The following CREB5 variants were observed in gnomAD, a reference collection of about 807,000 sequenced individuals.
CREB5 encodes the protein cyclic AMP-responsive element-binding protein 5.
A neutral mutation model predicts 57.1 loss-of-function variants in CREB5; 19 were observed. That is an observed-to-expected ratio of 0.33 (90% CI 0.23 to 0.49). The LOEUF (loss-of-function observed/expected upper bound fraction) is 0.49. Among genes scored for constraint, CREB5 ranks in the 20% least tolerant of loss-of-function variants. The probability of loss-of-function intolerance (pLI) is 0.99; values close to 1 mark genes in which losing one functional copy is unlikely to be tolerated. For missense variants in CREB5, 579 were observed against 671.6 expected (o/e 0.86, Z 1.52); for synonymous variants, 238 against 238.3 (o/e 1.00, Z 0.01).
chr7:28,584,103 G>A (rs17156878), intron 5 of CREB5, among the ~76,000 whole-genome samples: 20,465 of 152,088 alleles, frequency 0.13, 1,804 homozygotes, highest in East Asian at 0.31. Context: ...GAACTCTGCC[G>A]GTGGGAATAC....
chr7:28,679,052 C>CTTTTTTTTTTTTTTTTTT (rs56266854), intron 5 of CREB5, among the ~76,000 whole-genome samples: 3 of 123,862 alleles, frequency 2.4e-5, no homozygotes, highest in East Asian at 2.5e-4. Flanking sequence ...TTTTGTAGTT[C>CTTTTTTTTTTTTTTTTTT]TTTTTTTTTT....
intron 5 of CREB5, among the ~76,000 whole-genome samples, chr7:28,700,612 C>T (rs1801804990): frequency 1.3e-5 from 2 of 152,200 alleles, no homozygotes; most frequent in Admixed American, 6.5e-5. Flanking sequence ...AATCGGCCCT[C>T]TGCAGGCTTT....
At chr7:28,358,529 T>C (rs1436371228) in intron 1 of CREB5, among the ~76,000 whole-genome samples, 1 of 152,232 alleles carries the variant, frequency 6.6e-6, no homozygotes, top group Non-Finnish European at 1.5e-5. Flanking sequence ...AACCAAAGCA[T>C]GTTGTTTTCT....
At chr7:28,361,229 C>G (rs752871204) in intron 1 of CREB5, among the ~76,000 whole-genome samples, 1 of 152,156 alleles carries the variant, frequency 6.6e-6, no homozygotes, top group Admixed American at 6.5e-5. Flanking sequence ...GCATATGTTG[C>G]GTTCATAGCC....
intron 5 of CREB5, among the ~76,000 whole-genome samples, chr7:28,675,160 A>G (rs1184708861): frequency 6.6e-6 from 1 of 151,952 alleles, no homozygotes; most frequent in African/African-American, 2.4e-5. Context: ...ACCACATCCA[A>G]TGCTCCCTCT....
intron 1 of CREB5, among the ~76,000 whole-genome samples, chr7:28,324,036 T>C (rs538134116): frequency 6.6e-4 from 101 of 152,186 alleles, no homozygotes; most frequent in African/African-American, 2.4e-3. Context: ...CAGGAGGTAA[T>C]GTGCATGATG....
intron 3 of CREB5, among the ~76,000 whole-genome samples, chr7:28,499,176 G>GAA (rs34378552): frequency 0.5 from 62,556 of 125,804 alleles, 16,050 homozygotes; most frequent in South Asian, 0.58. Context: ...TTCTGTGCAG[G>GAA]AAAAAAAAAA....
At chr7:28,501,896 T>C (rs1792289500) in intron 3 of CREB5, among the ~76,000 whole-genome samples, 1 of 152,174 alleles carries the variant, frequency 6.6e-6, no homozygotes, top group Non-Finnish European at 1.5e-5. Flanking sequence ...CAGAGCATTG[T>C]CTAATGGACT....
intron 4 of CREB5, among the ~76,000 whole-genome samples, chr7:28,540,573 T>C (rs1264279737): frequency 1.3e-5 from 2 of 152,230 alleles, no homozygotes; most frequent in African/African-American, 2.4e-5. Flanking sequence ...AATTCTTCTA[T>C]ACCATTCCAT....
intron 7 of CREB5, among the ~76,000 whole-genome samples, chr7:28,757,837 C>A (rs1307021442): frequency 6.6e-6 from 1 of 152,088 alleles, no homozygotes; most frequent in African/African-American, 2.4e-5. Context: ...CATCCCTAAT[C>A]TGAAAAGTCA....
chr7:28,542,007 C>A (rs79304865), intron 4 of CREB5, among the ~76,000 whole-genome samples: 3,057 of 152,174 alleles, frequency 0.02, 105 homozygotes, highest in African/African-American at 0.07. Context: ...ATAGTTTTGG[C>A]TTATGTTATC....
intron 1 of CREB5, among the ~76,000 whole-genome samples, chr7:28,445,599 T>G (rs887298233): frequency 8.6e-5 from 13 of 151,986 alleles, no homozygotes; most frequent in Non-Finnish European, 1.6e-4. Flanking sequence ...TTGCCCAGGC[T>G]GGAGTGCAGT....
At chr7:28,641,944 A>T (rs1767320441) in intron 5 of CREB5, among the ~76,000 whole-genome samples, 1 of 152,170 alleles carries the variant, frequency 6.6e-6, no homozygotes, top group East Asian at 1.9e-4. Flanking sequence ...ACGTGTGTGT[A>T]TGTGCTCCTG....
chr7:28,442,362 T>C (rs1377185833), intron 1 of CREB5, among the ~76,000 whole-genome samples: 1 of 152,208 alleles, frequency 6.6e-6, no homozygotes, highest in Non-Finnish European at 1.5e-5. Context: ...TATAGGTTGA[T>C]TCTATATCTT....
intron 5 of CREB5, among the ~76,000 whole-genome samples, chr7:28,707,030 G>C (rs13311248): frequency 0.29 from 44,182 of 151,906 alleles, 6,675 homozygotes; most frequent in Admixed American, 0.37. Flanking sequence ...GCCTAGAAGA[G>C]AGACTGGTAC....
intron 1 of CREB5, among the ~76,000 whole-genome samples, chr7:28,356,791 C>T (rs1786354246): frequency 6.6e-6 from 1 of 152,186 alleles, no homozygotes; most frequent in African/African-American, 2.4e-5. Flanking sequence ...CACACACACA[C>T]TGTTTCTTAA....
Position 28,540,894 on chromosome 7 carries a change from T to C in CREB5, c.292-29471T>C, listed in dbSNP as rs370072472. 6.6e-5 allele frequency among the ~76,000 whole-genome samples: 10 copies of C among 152,186 alleles called. No individual in the cohort carries two copies. In the East Asian group the frequency reaches 9.6e-4, roughly 15 times the overall value. On this transcript the variant is annotated intron_variant, in intron 4 of 10. Coordinates refer to ENST00000357727, the MANE Select transcript of CREB5 (RefSeq NM_182898.4). ...GAGAGCTTCTTTTCATGGACCCACA[T>C]GGAGTCCACCTGCTGAATTAATTGA...
At chr7:28,534,366 C>G (rs908511270) in intron 4 of CREB5, among the ~76,000 whole-genome samples, 6 of 152,316 alleles carry the variant, frequency 3.9e-5, no homozygotes, top group African/African-American at 9.6e-5. Flanking sequence ...CGTCCTCCCC[C>G]GCGAGCCCTC....
intron 1 of CREB5, among the ~76,000 whole-genome samples, chr7:28,395,570 A>G (rs1010438083): frequency 1.3e-5 from 2 of 152,134 alleles, no homozygotes; most frequent in African/African-American, 2.4e-5. Flanking sequence ...TGGGTAGCAA[A>G]TATCTGACTT....
Sources: allele counts gnomAD v4.1 joint callset (sites outside exome capture counted in the v4.1 genomes callset), GRCh38; gene constraint gnomAD v4.1.1; transcripts MANE v1.5; gene names NCBI Gene and HGNC (gene_info 2026-07-23, HGNC 2026-07-21).